SLC35F1: variants seen among roughly 807,000 people sequenced by gnomAD.
The protein encoded by SLC35F1 is solute carrier family 35 member F1.
SLC35F1 carries 14 observed loss-of-function variants against 48.7 expected under a neutral mutation model. The observed-to-expected ratio is 0.29, with a 90% CI of 0.19 to 0.45. The LOEUF (loss-of-function observed/expected upper bound fraction) is 0.45. Ranked by LOEUF, SLC35F1 falls within the 20% of genes least tolerant of loss-of-function variation. The pLI is 1.00. For synonymous variants in SLC35F1, 190 were observed against 202.2 expected, an observed-to-expected ratio of 0.94 and a Z score of 0.51; for missense variants, 404 against 500.0, an observed-to-expected ratio of 0.81 and a Z score of 1.83.
chr6:118,047,496 G>C (rs1476471962), intron 1 of SLC35F1, among the ~76,000 whole-genome samples: 1 of 152,084 alleles, frequency 6.6e-6, no homozygotes, highest in Admixed American at 6.6e-5. Context: ...ATACTATTGT[G>C]GATAAAACAG....
At chr6:118,313,986 C>T (rs749474896) in intron 7 of SLC35F1, 42 bp from the exon 8 acceptor site, 1 of 1,582,246 alleles carries the variant, frequency 6.3e-7, no homozygotes, top group South Asian at 1.1e-5. Context: ...GTCAGTGGTT[C>T]TGCCCTGGCT....
chr6:118,267,894 AC>A (rs1775797646), intron 4 of SLC35F1, among the ~76,000 whole-genome samples: 1 of 152,102 alleles, frequency 6.6e-6, no homozygotes, highest in Non-Finnish European at 1.5e-5. Context: ...TTTAAAATAT[AC>A]CAAAATTTTA....
intron 6 of SLC35F1, among the ~76,000 whole-genome samples, chr6:118,280,521 C>T (rs769537076): frequency 8.5e-5 from 13 of 152,068 alleles, no homozygotes; most frequent in Non-Finnish European, 1.8e-4. Flanking sequence ...AAGATTTGGC[C>T]TCTCCCTGAA....
intron 3 of SLC35F1, among the ~76,000 whole-genome samples, chr6:118,246,989 T>C (rs1326384209): frequency 6.6e-6 from 1 of 152,166 alleles, no homozygotes; most frequent in African/African-American, 2.4e-5. Context: ...GGGACACCCA[T>C]TATCTTAGCA....
intron 1 of SLC35F1, among the ~76,000 whole-genome samples, chr6:118,123,416 T>C (rs17079732): frequency 1.3e-5 from 1 of 79,468 alleles, no homozygotes; most frequent in Non-Finnish European, 2.6e-5. Context: ...AGAAATTCAA[T>C]GCCAAATGAT....
At chr6:118,215,157 A>G (rs978362642) in intron 2 of SLC35F1, among the ~76,000 whole-genome samples, 19 of 151,408 alleles carry the variant, frequency 1.3e-4, no homozygotes, top group African/African-American at 2.9e-4. Flanking sequence ...AAACCTGGGG[A>G]AAAAAAAATC....
At chr6:117,908,016 G>A in intron 1 of SLC35F1, 117 bp downstream of exon 1, 8 of 992,436 alleles carry the variant, frequency 8.1e-6, no homozygotes, top group Non-Finnish European at 1.0e-5. Flanking sequence ...GCGGCCGGAG[G>A]AGACTGAGGA....
intron 2 of SLC35F1, among the ~76,000 whole-genome samples, chr6:118,157,260 G>A (rs1257267007): frequency 6.6e-6 from 1 of 152,120 alleles, no homozygotes; most frequent in African/African-American, 2.4e-5. Flanking sequence ...GGGAAGGCAG[G>A]AGGAGGGAGC....
At chr6:118,237,052 A>G (rs183320383) in intron 3 of SLC35F1, among the ~76,000 whole-genome samples, 10 of 152,284 alleles carry the variant, frequency 6.6e-5, no homozygotes, top group South Asian at 2.1e-4. Context: ...TGCACAATAT[A>G]TAACATTTCT....
intron 7 of SLC35F1, among the ~76,000 whole-genome samples, chr6:118,303,381 A>G (rs1776276545): frequency 6.6e-6 from 1 of 152,230 alleles, no homozygotes; most frequent in Non-Finnish European, 1.5e-5. Context: ...AAACAAAAAG[A>G]ATTACTACTT....
At chr6:118,128,686 A>G (rs1773665740) in intron 1 of SLC35F1, among the ~76,000 whole-genome samples, 1 of 151,962 alleles carries the variant, frequency 6.6e-6, no homozygotes, top group South Asian at 2.1e-4. Flanking sequence ...GGGGAGGGAT[A>G]GCATTAGGAG....
intron 1 of SLC35F1, among the ~76,000 whole-genome samples, chr6:117,920,646 C>G (rs1775886052): frequency 6.6e-6 from 1 of 152,080 alleles, no homozygotes; most frequent in African/African-American, 2.4e-5. Context: ...AGGGGGTTGT[C>G]TTGAAGTTGT....
intron 1 of SLC35F1, among the ~76,000 whole-genome samples, chr6:118,119,511 C>G (rs1215019936): frequency 8.7e-5 from 10 of 115,258 alleles, no homozygotes; most frequent in African/African-American, 3.0e-4. Flanking sequence ...CTCCACCCCG[C>G]TTTTTTTTTT....
chr6:118,022,876 G>A (rs1777413908), intron 1 of SLC35F1, among the ~76,000 whole-genome samples: 1 of 150,924 alleles, frequency 6.6e-6, no homozygotes. Context: ...TCAGCCTCCT[G>A]AGTAGCTGGG....
At chr6:118,144,806 A>G (rs1307564373) in intron 1 of SLC35F1, among the ~76,000 whole-genome samples, 1 of 152,066 alleles carries the variant, frequency 6.6e-6, no homozygotes, top group East Asian at 1.9e-4. Flanking sequence ...ATGTAAATTG[A>G]CCCTTGTGCA....
intron 2 of SLC35F1, among the ~76,000 whole-genome samples, chr6:118,164,848 G>A (rs1290639950): frequency 7.2e-5 from 11 of 152,198 alleles, no homozygotes; most frequent in Admixed American, 5.9e-4. Flanking sequence ...AGAAGGATCA[G>A]AAATAAAACA....
intron 1 of SLC35F1, among the ~76,000 whole-genome samples, chr6:117,924,357 A>G (rs371201807): frequency 1.3e-4 from 18 of 135,014 alleles, no homozygotes; most frequent in African/African-American, 4.9e-4. Flanking sequence ...GCATATGTAT[A>G]TACACACATA....
At chr6:118,097,236 C>T (rs142811833) in intron 1 of SLC35F1, among the ~76,000 whole-genome samples, 178 of 152,238 alleles carry the variant, frequency 1.2e-3, no homozygotes, top group African/African-American at 4.1e-3. Context: ...CCTTTCTGGC[C>T]GCATACCTTT....
Position 117,961,919 on chromosome 6 carries a change from G to A in SLC35F1, c.173+54020G>A, listed in dbSNP as rs1199167648. Among the ~76,000 whole-genome samples the A allele has an allele frequency of 2.6e-5, 4 of 152,276 alleles. No homozygotes were observed. The East Asian group carries it at 7.7e-4, about 29-fold the overall frequency. On this transcript the variant is annotated intron_variant, in intron 1 of 7. Transcript: ENST00000360388. ...TAAATATATGTGGAGAAAAGTCTTG[G>A]CTGGAGGAAGATGGTGGTAAGTTAT...
Sources: gnomAD v4.1 joint callset for allele counts (sites outside exome capture counted in the v4.1 genomes callset) on GRCh38, gnomAD v4.1.1 for gene constraint, MANE v1.5 for transcripts, NCBI Gene and HGNC (gene_info 2026-07-23, HGNC 2026-07-21) for gene names.